DNA2: variants seen among roughly 807,000 people sequenced by gnomAD.
The protein encoded by DNA2 is DNA replication helicase/nuclease 2.
Under a neutral mutation model 119.1 loss-of-function variants are expected in DNA2, and 101 were observed. That is an observed-to-expected ratio of 0.85 (90% CI 0.72 to 1.00). DNA2 has a LOEUF of 1.00. Among genes scored for constraint, DNA2 ranks in the 50% least tolerant of loss-of-function variants. The pLI, the probability that DNA2 is intolerant of heterozygous loss-of-function variation, is 0.00. For missense variants in DNA2, 1,121 were observed against 1,255.5 expected, an observed-to-expected ratio of 0.89 and a Z score of 1.62; for synonymous variants, 366 against 424.4, an observed-to-expected ratio of 0.86 and a Z score of 1.69.
chr10:68,444,806 TA>T, intron 8 of DNA2, 114 bp downstream of exon 8: 1 of 648,392 alleles, frequency 1.5e-6, no homozygotes, highest in Non-Finnish European at 2.5e-6. Context: ...AAGGAAAATA[TA>T]AAGGAAAAAT....
Position 68,414,841 on chromosome 10 carries a change from A to G in DNA2, c.*198T>C, listed in dbSNP as rs1250395648. 2.4e-6 allele frequency: 1 copy of G among 411,328 alleles called. No homozygotes were observed. The highest frequency in any genetic ancestry group is 4.5e-6 in the Non-Finnish European group (1 of 224,638). The allele number at this position is 411,328 out of a possible 1,614,324, so 25.5% of individuals were successfully genotyped here. On this transcript the variant is annotated 3_prime_UTR_variant, in exon 21 of 21. Transcript: ENST00000358410. ...TAATCCATCTTCAAAGCTGGTAAAA[A>G]TTTATCAAACTCTTTCTCTAGGTTA...
chr10:68,461,232 T>G (rs917469156), intron 4 of DNA2, among the ~76,000 whole-genome samples: 2 of 152,218 alleles, frequency 1.3e-5, no homozygotes, highest in Non-Finnish European at 2.9e-5. Flanking sequence ...GTCAAAATTA[T>G]GTCGTAACAA....
intron 10 of DNA2, among the ~76,000 whole-genome samples, chr10:68,436,141 T>C (rs1208997244): frequency 2.0e-5 from 3 of 152,120 alleles, no homozygotes; most frequent in Admixed American, 6.6e-5. Flanking sequence ...GCAATATTAA[T>C]CATTACAGCA....
intron 19 of DNA2, among the ~76,000 whole-genome samples, chr10:68,417,652 CA>C (rs575627007): frequency 0.18 from 19,954 of 113,372 alleles, 1,305 homozygotes; most frequent in African/African-American, 0.3. Flanking sequence ...GATCTCATCT[CA>C]AAAAAAAAAA....
chr10:68,414,504 AAAG>A lies in DNA2; in HGVS notation c.*532_*534del, dbSNP rs1472251582. ...TGAAATACTGAATACTGAAAACAAAAAAGGAGGATAGTAAGGGAGGATAGAAAA... is the reference window on the plus strand; with the variant it reads ...TGAAATACTGAATACTGAAAACAAAAGAGGATAGTAAGGGAGGATAGAAAA... On this transcript the variant is annotated 3_prime_UTR_variant, in exon 21 of 21. Coordinates refer to ENST00000358410, the MANE Select transcript of DNA2 (RefSeq NM_001080449.3). 6.6e-6 allele frequency: 1 copy of A among 152,200 alleles called. No individual in the cohort carries two copies. Among genetic ancestry groups the A allele is most frequent in the Non-Finnish European group, 1.5e-5 (1 of 68,052 alleles). The allele number at this position is 152,200 out of a possible 1,614,324, so 9.4% of individuals were successfully genotyped here.
intron 10 of DNA2, among the ~76,000 whole-genome samples, chr10:68,435,073 A>C (rs1032547135): frequency 6.6e-5 from 10 of 151,992 alleles, no homozygotes; most frequent in Non-Finnish European, 1.3e-4. Context: ...TCTTTAAGAC[A>C]GGGTCTCACT....
chr10:68,468,367 T>C (rs2052350781), intron 2 of DNA2, 61 bp from the exon 3 acceptor site: 2 of 1,097,170 alleles, frequency 1.8e-6, no homozygotes, highest in East Asian at 2.9e-5. Flanking sequence ...TGTAAACGTA[T>C]TAGGGAGGCT....
At chr10:68,464,140 T>C (rs1161041923) in intron 4 of DNA2, among the ~76,000 whole-genome samples, 1 of 152,214 alleles carries the variant, frequency 6.6e-6, no homozygotes, top group Non-Finnish European at 1.5e-5. Flanking sequence ...GATGACCATA[T>C]GGTCTCACAA....
At chr10:68,441,933 ATTTTT>A (rs879727400) in intron 9 of DNA2, among the ~76,000 whole-genome samples, 1 of 148,124 alleles carries the variant, frequency 6.8e-6, no homozygotes, top group African/African-American at 2.5e-5. Flanking sequence ...ATTTAAAATA[ATTTTT>A]TTTTTTTGAG....
At chr10:68,422,099 C>T (rs968919601) in intron 17 of DNA2, 126 bp downstream of exon 17, 4 of 736,160 alleles carry the variant, frequency 5.4e-6, no homozygotes, top group African/African-American at 5.3e-5. Context: ...AGGTGTGAGC[C>T]ACCACGCCCA....
At chr10:68,452,027 T>C (rs564276983) in intron 5 of DNA2, among the ~76,000 whole-genome samples, 25 of 152,290 alleles carry the variant, frequency 1.6e-4, no homozygotes, top group Admixed American at 4.6e-4. Context: ...CCTTCCAGAA[T>C]AGTTGAAGAA....
At chr10:68,449,771 G>C (rs1458346092) in intron 6 of DNA2, among the ~76,000 whole-genome samples, 1 of 151,970 alleles carries the variant, frequency 6.6e-6, no homozygotes, top group Admixed American at 6.6e-5. Flanking sequence ...AAATTAGCTG[G>C]GCATGATGGT....
At chr10:68,435,060 T>C (rs2051869978) in intron 10 of DNA2, among the ~76,000 whole-genome samples, 1 of 152,196 alleles carries the variant, frequency 6.6e-6, no homozygotes, top group South Asian at 2.1e-4. Context: ...AATTTTTTTT[T>C]TTTCTTTAAG....
intron 5 of DNA2, among the ~76,000 whole-genome samples, chr10:68,456,205 G>A (rs115671336): frequency 0.024 from 3,675 of 152,136 alleles, 140 homozygotes; most frequent in African/African-American, 0.084. Context: ...CTGGGCAAGA[G>A]TGAGACCTTG....
intron 10 of DNA2, among the ~76,000 whole-genome samples, chr10:68,435,751 G>C (rs534697817): frequency 6.6e-6 from 1 of 152,034 alleles, no homozygotes; most frequent in Non-Finnish European, 1.5e-5. Context: ...ACCACGCCCC[G>C]CCTATATATT....
intron 10 of DNA2, among the ~76,000 whole-genome samples, chr10:68,436,565 T>C (rs2051890606): frequency 6.6e-6 from 1 of 152,204 alleles, no homozygotes; most frequent in Admixed American, 6.6e-5. Flanking sequence ...AAATGGTTAA[T>C]GATCAATTTT....
At chr10:68,426,152 A>G (rs2133369122) in intron 14 of DNA2, among the ~76,000 whole-genome samples, 1 of 152,062 alleles carries the variant, frequency 6.6e-6, no homozygotes. Flanking sequence ...GAAAACCTTC[A>G]GCATCTGGGG....
intron 5 of DNA2, among the ~76,000 whole-genome samples, chr10:68,451,674 T>C (rs1201067396): frequency 6.6e-6 from 1 of 152,148 alleles, no homozygotes; most frequent in Non-Finnish European, 1.5e-5. Context: ...ATTCTAGTGG[T>C]TAGAATAGAT....
At chr10:68,472,213 G>C (rs2052392213), upstream of DNA2, 4 of 1,235,890 alleles carry the variant, frequency 3.2e-6, no homozygotes, top group Middle Eastern at 4.6e-4. Flanking sequence ...TCCTGCTTCA[G>C]CCTCCCAAGT....
Sources: gnomAD v4.1 joint callset for allele counts (sites outside exome capture counted in the v4.1 genomes callset) on GRCh38, gnomAD v4.1.1 for gene constraint, MANE v1.5 for transcripts, NCBI Gene and HGNC (gene_info 2026-07-23, HGNC 2026-07-21) for gene names.